Variants in GABBR2 observed in about 807,000 individuals in gnomAD.
The protein encoded by GABBR2 is gamma-aminobutyric acid type B receptor subunit 2, also known as G-protein coupled receptor 51.
Under a neutral mutation model 105.6 loss-of-function variants are expected in GABBR2, and 23 were observed. That is an observed-to-expected ratio of 0.22 (90% confidence interval 0.16 to 0.31). GABBR2 has a LOEUF of 0.31. GABBR2 is among the 10% of genes least tolerant of loss of function. The pLI, the probability that GABBR2 is intolerant of heterozygous loss-of-function variation, is 1.00. For missense variants in GABBR2, 734 were observed against 1,245.5 expected (o/e 0.59, Z 6.18); for synonymous variants, 478 against 499.7 (o/e 0.96, Z 0.58).
chr9:98,641,484 G>C (rs1015477800), intron 1 of GABBR2, among the ~76,000 whole-genome samples: 5 of 152,072 alleles, frequency 3.3e-5, no homozygotes, highest in African/African-American at 1.2e-4. Context: ...ACCTGTCACA[G>C]CATTCTCATG....
intron 6 of GABBR2, among the ~76,000 whole-genome samples, chr9:98,459,078 G>A (rs973829234): frequency 3.3e-5 from 5 of 152,122 alleles, no homozygotes; most frequent in South Asian, 2.1e-4. Context: ...GTGTTCCTGC[G>A]GAGCCACAAT....
intron 14 of GABBR2, 145 bp downstream of exon 14, chr9:98,310,950 A>C (rs983760702): frequency 3.4e-6 from 2 of 580,950 alleles, no homozygotes; most frequent in Non-Finnish European, 6.3e-6. Flanking sequence ...GAACTGAGAT[A>C]GCATGTGGCA....
At chr9:98,473,869 T>G (rs1303459481) in intron 5 of GABBR2, among the ~76,000 whole-genome samples, 1 of 152,216 alleles carries the variant, frequency 6.6e-6, no homozygotes, top group Admixed American at 6.5e-5. Context: ...CAAAGAGATT[T>G]CATAAAGCTA....
intron 1 of GABBR2, among the ~76,000 whole-genome samples, chr9:98,648,132 G>GTGTGTGT (rs1564140835): frequency 7.6e-4 from 71 of 93,864 alleles, no homozygotes; most frequent in African/African-American, 2.8e-3. Flanking sequence ...TAGATAGATA[G>GTGTGTGT]ATAGATAGAT....
intron 1 of GABBR2, among the ~76,000 whole-genome samples, chr9:98,619,826 A>G (rs369458129): frequency 3.5e-4 from 54 of 152,298 alleles, no homozygotes; most frequent in South Asian, 6.2e-4. Context: ...CCATCATGAA[A>G]AAGCCAGGTG....
At chr9:98,495,741 A>C (rs922243437) in intron 4 of GABBR2, among the ~76,000 whole-genome samples, 7 of 152,032 alleles carry the variant, frequency 4.6e-5, no homozygotes, top group African/African-American at 1.7e-4. Context: ...ACCTTGTCTG[A>C]GCACTCTCCC....
chr9:98,618,451 T>G (rs1039424823), intron 1 of GABBR2, among the ~76,000 whole-genome samples: 3 of 151,504 alleles, frequency 2.0e-5, no homozygotes, highest in African/African-American at 7.3e-5. Context: ...TGACAAAAGA[T>G]GCCTCCATGC....
chr9:98,397,809 G>A (rs564668186), intron 8 of GABBR2, among the ~76,000 whole-genome samples: 4 of 152,242 alleles, frequency 2.6e-5, no homozygotes, highest in South Asian at 2.1e-4. Context: ...AGCTCTTCAC[G>A]TAGAAGCCAT....
At chr9:98,339,034 T>A (rs1294583473) in intron 13 of GABBR2, among the ~76,000 whole-genome samples, 1 of 152,172 alleles carries the variant, frequency 6.6e-6, no homozygotes, top group Non-Finnish European at 1.5e-5. Context: ...AGTCCATAGA[T>A]TGTTTGATTC....
chr9:98,575,609 C>G (rs543242433), intron 2 of GABBR2, among the ~76,000 whole-genome samples: 1 of 152,142 alleles, frequency 6.6e-6, no homozygotes, highest in East Asian at 1.9e-4. Context: ...AGAGAATGTG[C>G]TCCTCAATGT....
At chr9:98,291,134 C>T (rs1830297370) in intron 18 of GABBR2, among the ~76,000 whole-genome samples, 2 of 152,174 alleles carry the variant, frequency 1.3e-5, no homozygotes, top group Admixed American at 1.3e-4. Context: ...TTTAATCCAC[C>T]TAACCTACCA....
intron 3 of GABBR2, among the ~76,000 whole-genome samples, chr9:98,512,640 G>A (rs1827670503): frequency 6.6e-6 from 1 of 152,116 alleles, no homozygotes; most frequent in African/African-American, 2.4e-5. Context: ...AATCATGAGT[G>A]AATTCCCATT....
chr9:98,402,528 A>G (rs1472040108), intron 8 of GABBR2, among the ~76,000 whole-genome samples: 1 of 152,122 alleles, frequency 6.6e-6, no homozygotes, highest in Non-Finnish European at 1.5e-5. Flanking sequence ...CCTGCCTGAG[A>G]TGAGGGGAAG....
chr9:98,398,486 A>C (rs1832333715), intron 8 of GABBR2, among the ~76,000 whole-genome samples: 1 of 152,042 alleles, frequency 6.6e-6, no homozygotes, highest in Non-Finnish European at 1.5e-5. Context: ...CTGTAGCCCC[A>C]AACTCCTGTT....
At chr9:98,542,340 A>G (rs1262262767) in intron 2 of GABBR2, among the ~76,000 whole-genome samples, 1 of 152,162 alleles carries the variant, frequency 6.6e-6, no homozygotes, top group East Asian at 1.9e-4. Context: ...CAGTGATTGA[A>G]TTTTTTAAAA....
At position 98,303,343 on chromosome 9, in the gene GABBR2, A is replaced by G; in HGVS notation, c.2310T>C (p.Asp770=). 9 of 1,614,088 alleles carry G rather than the reference A, an allele frequency of 5.6e-6. No individual in the cohort carries two copies. Among genetic ancestry groups the G allele is most frequent in the Non-Finnish European group, 7.6e-6 (9 of 1,179,964 alleles). ...FQFTQNQKKE[D]SKTSTSVTSV... The stretch of plus-strand genomic sequence containing the variant: ...TGGTGACCGAGGTGGACGTTTTAGA[A>G]TCTTCTTTCTTCTGATTCTGAGTGA... The change falls in exon 16 of 19, where the codon GAT becomes GAC. Residue 770 remains aspartate, a synonymous_variant. Coordinates refer to ENST00000259455, the MANE Select transcript of GABBR2 (RefSeq NM_005458.8).
chr9:98,522,029 A>C (rs533270513), intron 3 of GABBR2, among the ~76,000 whole-genome samples: 3 of 152,292 alleles, frequency 2.0e-5, no homozygotes, highest in South Asian at 4.2e-4. Context: ...ATATATGAGA[A>C]AAGAAACTGA....
chr9:98,544,582 G>C (rs1331201151), intron 2 of GABBR2, among the ~76,000 whole-genome samples: 2 of 152,156 alleles, frequency 1.3e-5, no homozygotes, highest in Non-Finnish European at 2.9e-5. Flanking sequence ...TCACATCAGA[G>C]TTGTCTGGCC....
At position 98,634,181 on chromosome 9, in the gene GABBR2, C is replaced by T. The variant is rs985523667; in HGVS notation, c.322-56109G>A. ...AAGCATCAGCTCACCTCCCAACTGC[C>T]TCCCCACCCGACTTTGGGCCCTACT... On this transcript the variant is annotated intron_variant, in intron 1 of 18. Transcript: ENST00000259455. Among the ~76,000 whole-genome samples, 9 of 152,336 alleles carry T rather than the reference C, an allele frequency of 5.9e-5. No homozygotes were observed. The East Asian group carries it at 1.7e-3, about 29-fold the overall frequency.
Sources: gnomAD v4.1 joint callset for allele counts (sites outside exome capture counted in the v4.1 genomes callset) on GRCh38, gnomAD v4.1.1 for gene constraint, MANE v1.5 for transcripts, NCBI Gene and HGNC (gene_info 2026-07-23, HGNC 2026-07-21) for gene names.